SH3KBP1: variants seen among roughly 807,000 people sequenced by gnomAD.
SH3KBP1 encodes SH3 domain containing kinase binding protein 1, also known as SH3 domain-containing kinase-binding protein 1.
A neutral mutation model predicts 50.1 loss-of-function variants in SH3KBP1; 8 were observed. The ratio of observed to expected loss-of-function variants is 0.16; its 90% CI spans 0.09 to 0.29. The LOEUF (loss-of-function observed/expected upper bound fraction) is 0.29, where lower values mean the gene tolerates loss of function less well. Among genes scored for constraint, SH3KBP1 ranks in the 10% least tolerant of loss-of-function variants. The probability of loss-of-function intolerance (pLI) is 1.00; values close to 1 mark genes in which losing one functional copy is unlikely to be tolerated. For synonymous variants in SH3KBP1, 227 were observed against 218.6 expected, an observed-to-expected ratio of 1.04 and a Z score of -0.34; for missense variants, 377 against 535.2, an observed-to-expected ratio of 0.70 and a Z score of 2.92.
intron 8 of SH3KBP1, among the ~76,000 whole-genome samples, chrX:19,628,442 G>A (rs976981854): frequency 8.1e-5 from 9 of 111,215 alleles, no homozygotes; most frequent in Non-Finnish European, 1.3e-4. Flanking sequence ...CAGACTCAGA[G>A]GGGGTAAGCA....
intron 8 of SH3KBP1, among the ~76,000 whole-genome samples, chrX:19,622,004 A>C (rs2148214407): frequency 8.9e-6 from 1 of 112,811 alleles, no homozygotes; most frequent in African/African-American, 3.2e-5. Flanking sequence ...CTAGAAATAA[A>C]ATATAAAAAC....
intron 1 of SH3KBP1, among the ~76,000 whole-genome samples, chrX:19,872,833 T>TCACA (rs774471891): frequency 0.019 from 1,864 of 96,451 alleles, 41 homozygotes; most frequent in African/African-American, 0.059. Context: ...TCTCTCTCTC[T>TCACA]CACACACACA....
intron 6 of SH3KBP1, among the ~76,000 whole-genome samples, chrX:19,661,421 A>G (rs1292534758): frequency 9.0e-6 from 1 of 111,508 alleles, no homozygotes; most frequent in African/African-American, 3.3e-5. Flanking sequence ...ATGTGTGTGG[A>G]AAAAATTATG....
intron 1 of SH3KBP1, 129 bp from the exon 2 acceptor site, chrX:19,836,411 G>A: frequency 3.4e-6 from 2 of 593,241 alleles, no homozygotes; most frequent in Non-Finnish European, 2.6e-6. Flanking sequence ...AAATAACAGG[G>A]CCACACACAG....
chrX:19,671,692 C>A (rs1302512294), intron 6 of SH3KBP1, among the ~76,000 whole-genome samples: 1 of 112,073 alleles, frequency 8.9e-6, no homozygotes, highest in Admixed American at 9.5e-5. Context: ...ACTTATTCAA[C>A]CTTTGTTCAT....
At chrX:19,752,615 G>T (rs1474588801) in intron 2 of SH3KBP1, among the ~76,000 whole-genome samples, 1 of 111,656 alleles carries the variant, frequency 9.0e-6, no homozygotes, top group African/African-American at 3.3e-5. Context: ...GGATGAAAAT[G>T]TCCTATAACG....
At chrX:19,882,728 G>A (rs2069474114) in intron 1 of SH3KBP1, among the ~76,000 whole-genome samples, 1 of 111,731 alleles carries the variant, frequency 9.0e-6, no homozygotes, top group East Asian at 2.8e-4. Flanking sequence ...TTACACCCTG[G>A]AATAATGCAA....
At chrX:19,716,210 T>C (rs1270249084) in intron 3 of SH3KBP1, among the ~76,000 whole-genome samples, 2 of 112,188 alleles carry the variant, frequency 1.8e-5, no homozygotes, top group Non-Finnish European at 3.8e-5. Flanking sequence ...TCATCCTGTT[T>C]CAACATAATG....
chrX:19,730,654 T>A (rs2064349899), intron 3 of SH3KBP1, among the ~76,000 whole-genome samples: 2 of 111,728 alleles, frequency 1.8e-5, no homozygotes, highest in Non-Finnish European at 3.8e-5. Context: ...GAGAGATAAA[T>A]TTTACCTAAA....
chrX:19,582,642 C>T (rs1011769723), intron 12 of SH3KBP1, among the ~76,000 whole-genome samples: 2 of 111,589 alleles, frequency 1.8e-5, no homozygotes, highest in African/African-American at 6.5e-5. Context: ...GCTCCCACTC[C>T]ATCCTTGCTG....
At chrX:19,855,117 G>A (rs1292723764) in intron 1 of SH3KBP1, among the ~76,000 whole-genome samples, 2 of 110,692 alleles carry the variant, frequency 1.8e-5, no homozygotes, top group Non-Finnish European at 3.8e-5. Context: ...TGAGTAGCTG[G>A]GATTACAGGT....
At chrX:19,687,550 T>C (rs2063193495) in intron 5 of SH3KBP1, 1 of 881,240 alleles carries the variant, frequency 1.1e-6, no homozygotes, top group Non-Finnish European at 1.7e-6. Context: ...AAAGGGCAGC[T>C]GCATCAAAAA....
chrX:19,809,281 T>C (rs770388468), intron 2 of SH3KBP1, among the ~76,000 whole-genome samples: 1 of 111,833 alleles, frequency 8.9e-6, no homozygotes, highest in East Asian at 2.8e-4. Flanking sequence ...ATCCCCACAC[T>C]TTGGGAGGCC....
chrX:19,842,595 C>T lies in SH3KBP1; in HGVS notation c.5-6313G>A, dbSNP rs1239334579. 2.7e-5 allele frequency among the ~76,000 whole-genome samples: 3 copies of T among 110,534 alleles called. No homozygotes were observed. The Admixed American group carries it at 2.9e-4, about 11-fold the overall frequency. Reference sequence around the variant, plus strand: ...TTAAGAATTTATTATTGTAGATTGTCGGTCATTGAGGTGGTAGACTGTGTT... The same window carrying T: ...TTAAGAATTTATTATTGTAGATTGTTGGTCATTGAGGTGGTAGACTGTGTT... On this transcript the variant is annotated intron_variant, in intron 1 of 17. Transcript: ENST00000397821.
intron 2 of SH3KBP1, among the ~76,000 whole-genome samples, chrX:19,783,044 A>G (rs2066230650): frequency 8.9e-6 from 1 of 112,013 alleles, no homozygotes; most frequent in Non-Finnish European, 1.9e-5. Context: ...CTTGAGCCCA[A>G]GAGGTCGAGG....
chrX:19,700,326 A>G (rs766994155), intron 4 of SH3KBP1, among the ~76,000 whole-genome samples: 155 of 112,633 alleles, frequency 1.4e-3, no homozygotes, highest in Admixed American at 2.3e-3. Flanking sequence ...AAAACGCTAA[A>G]AAAATGTTAA....
chrX:19,782,155 AAGT>A (rs2066200997), intron 2 of SH3KBP1, among the ~76,000 whole-genome samples: 1 of 111,546 alleles, frequency 9.0e-6, no homozygotes. Flanking sequence ...ATCCAATGAC[AAGT>A]GTTGTCCTCA....
At chrX:19,555,715 T>G (rs992680992) in intron 13 of SH3KBP1, among the ~76,000 whole-genome samples, 2 of 112,016 alleles carry the variant, frequency 1.8e-5, no homozygotes, top group African/African-American at 6.5e-5. Context: ...GGAACCACTG[T>G]TAATAGATTT....
chrX:19,681,171 G>A (rs928209565), intron 6 of SH3KBP1, among the ~76,000 whole-genome samples: 2 of 111,894 alleles, frequency 1.8e-5, no homozygotes, highest in African/African-American at 6.5e-5. Context: ...AATAAGTTTC[G>A]ATTTTGTAGC....
Sources: gnomAD v4.1 joint callset for allele counts (sites outside exome capture counted in the v4.1 genomes callset) on GRCh38, gnomAD v4.1.1 for gene constraint, MANE v1.5 for transcripts, NCBI Gene and HGNC (gene_info 2026-07-23, HGNC 2026-07-21) for gene names.